Variants in RASA2 observed in about 807,000 individuals in gnomAD.
RASA2 encodes the protein RAS p21 protein activator 2, also known as ras GTPase-activating protein 2.
Under a neutral mutation model 118.2 loss-of-function variants are expected in RASA2, and 155 were observed. That is an observed-to-expected ratio of 1.31 (90% CI 1.15 to 1.50). The LOEUF is 1.50. RASA2 is among the 40% of genes most tolerant of loss of function. The pLI is 0.00. For missense variants in RASA2, 1,016 were observed against 1,009.6 expected (o/e 1.01, Z -0.09); for synonymous variants, 353 against 349.1 (o/e 1.01, Z -0.12).
intron 4 of RASA2, among the ~76,000 whole-genome samples, chr3:141,533,009 T>G (rs775917039): frequency 8.5e-5 from 13 of 152,160 alleles, no homozygotes; most frequent in Non-Finnish European, 1.8e-4. Flanking sequence ...AAAACACCAT[T>G]TTGAGATGCC....
At chr3:141,602,572 G>A (rs939541587) in intron 19 of RASA2, among the ~76,000 whole-genome samples, 1 of 152,172 alleles carries the variant, frequency 6.6e-6, no homozygotes, top group Non-Finnish European at 1.5e-5. Flanking sequence ...GTACACTGTA[G>A]TGTGTCTGCA....
At chr3:141,570,044 A>G (rs532848000) in intron 9 of RASA2, among the ~76,000 whole-genome samples, 29 of 149,220 alleles carry the variant, frequency 1.9e-4, no homozygotes, top group African/African-American at 4.9e-4. Flanking sequence ...TGAGCGTTCA[A>G]TATTCTCTTT....
intron 1 of RASA2, among the ~76,000 whole-genome samples, chr3:141,494,126 C>T (rs2081670417): frequency 1.3e-5 from 2 of 152,178 alleles, no homozygotes; most frequent in African/African-American, 4.8e-5. Context: ...GACATTACTA[C>T]AATGAATAAC....
Position 141,487,058 on chromosome 3 carries a change from G to A in RASA2, c.-26G>A. 1.6e-6 allele frequency: 2 copies of A among 1,240,428 alleles called. No homozygotes were observed. The highest frequency in any genetic ancestry group is 3.8e-5 in the East Asian group (1 of 26,428). 76.8% of individuals were successfully genotyped at this position (1,240,428 alleles called of 1,614,324 possible). ...CCTCGCCCGGCTACGCAGGCGGCAG[G>A]GCTGCGGCACGGGCCGGGCGGCACC... On this transcript the variant is annotated 5_prime_UTR_variant, in exon 1 of 24. Transcript: ENST00000286364.
intron 1 of RASA2, among the ~76,000 whole-genome samples, chr3:141,504,130 C>A (rs368411471): frequency 1.3e-5 from 2 of 152,136 alleles, no homozygotes; most frequent in Non-Finnish European, 1.5e-5. Context: ...GTTTATAGTT[C>A]AGTGAAGAGA....
chr3:141,608,233 T>C (rs986083833), intron 20 of RASA2, among the ~76,000 whole-genome samples: 3 of 152,222 alleles, frequency 2.0e-5, no homozygotes, highest in Admixed American at 6.5e-5. Context: ...CCTCCCTTTA[T>C]TCTTATCTAT....
chr3:141,529,330 G>T (rs1283279722), intron 3 of RASA2, among the ~76,000 whole-genome samples: 1 of 151,994 alleles, frequency 6.6e-6, no homozygotes, highest in Non-Finnish European at 1.5e-5. Flanking sequence ...CTTGTCATTT[G>T]TTCTTAGGGT....
At chr3:141,524,881 A>G (rs574215000) in intron 3 of RASA2, among the ~76,000 whole-genome samples, 2 of 151,960 alleles carry the variant, frequency 1.3e-5, no homozygotes, top group Non-Finnish European at 2.9e-5. Flanking sequence ...GTGAGCCACC[A>G]TGCCCGGCCT....
intron 7 of RASA2, among the ~76,000 whole-genome samples, chr3:141,558,244 T>C (rs1242070465): frequency 2.0e-5 from 3 of 152,204 alleles, no homozygotes; most frequent in Non-Finnish European, 4.4e-5. Flanking sequence ...ACTTTGTAGA[T>C]TGTACAGCAC....
chr3:141,572,591 C>T lies in RASA2; in HGVS notation c.1170-18C>T, dbSNP rs1267670088. ...AACCTTTGTTTACTACATTTGGTTTCATCTATTTCTATTTCAGAGATGCAA... is the reference window on the plus strand; with the variant it reads ...AACCTTTGTTTACTACATTTGGTTTTATCTATTTCTATTTCAGAGATGCAA... On this transcript the variant is annotated intron_variant, in intron 11 of 23. Coordinates refer to ENST00000286364, the MANE Select transcript of RASA2 (RefSeq NM_006506.5). The T allele has an allele frequency of 6.4e-7, 1 of 1,554,338 alleles. No homozygotes were observed. The highest frequency in any genetic ancestry group is 1.1e-5 in the South Asian group (1 of 89,844).
intron 3 of RASA2, among the ~76,000 whole-genome samples, chr3:141,520,495 CAG>C (rs2082095131): frequency 6.6e-6 from 1 of 152,042 alleles, no homozygotes. Context: ...ATTCTGTAGA[CAG>C]TGGTTTTGAA....
intron 23 of RASA2, among the ~76,000 whole-genome samples, chr3:141,611,202 A>G (rs2083646471): frequency 6.6e-6 from 1 of 152,208 alleles, no homozygotes; most frequent in Non-Finnish European, 1.5e-5. Context: ...GCAGCTCAGC[A>G]CTGTCATCAA....
At position 141,487,101 on chromosome 3, in the gene RASA2, T is replaced by A; in HGVS notation, c.18T>A (p.Pro6=). Residue 6 remains proline (P), a synonymous_variant, in exon 1 of 24, where the codon CCT becomes CCA. Coordinates refer to ENST00000286364, the MANE Select transcript of RASA2 (RefSeq NM_006506.5). Reference sequence around the variant, plus strand: ...GCGGCACCATGGCGGCGGCGGCGCCTGCTGCTGCGGCGGCTTCTTCCGAGG... The same window carrying A: ...GCGGCACCATGGCGGCGGCGGCGCCAGCTGCTGCGGCGGCTTCTTCCGAGG... MAAAA[P]AAAAASSEAP... 1 of 1,393,062 alleles carries A rather than the reference T, an allele frequency of 7.2e-7. No homozygotes were observed. Among genetic ancestry groups the A allele is most frequent in the Non-Finnish European group, 9.4e-7 (1 of 1,060,046 alleles). The allele number at this position is 1,393,062 out of a possible 1,614,324, so 86.3% of individuals were successfully genotyped here. A position where few individuals can be genotyped will look rare whatever the true frequency, so the allele number is the denominator to read the frequency against.
chr3:141,510,019 G>T (rs1291398878), intron 1 of RASA2, among the ~76,000 whole-genome samples: 2 of 151,934 alleles, frequency 1.3e-5, no homozygotes, highest in East Asian at 1.9e-4. Flanking sequence ...CTATTCCATT[G>T]GTTTTCTTAT....
chr3:141,549,701 AT>A (rs971130216), intron 5 of RASA2, among the ~76,000 whole-genome samples: 24 of 152,228 alleles, frequency 1.6e-4, no homozygotes, highest in Admixed American at 1.1e-3. Flanking sequence ...AAAACCACAC[AT>A]GGCTAATGAC....
Position 141,570,899 on chromosome 3 carries a change from A to T in RASA2, c.864-13A>T. ...ATTTCCATCACATGGAATCACTTAT[A>T]TTTTTACTTTAGGTACTTGCTACAG... On this transcript the variant is annotated splice_polypyrimidine_tract_variant and intron_variant, in intron 9 of 23. Coordinates refer to ENST00000286364, the MANE Select transcript of RASA2 (RefSeq NM_006506.5). The T allele has an allele frequency of 1.3e-6, 2 of 1,596,452 alleles. No homozygotes were observed. The highest frequency in any genetic ancestry group is 3.6e-5 in the Admixed American group (2 of 55,560).
At chr3:141,577,721 C>T (rs1362873075) in intron 15 of RASA2, among the ~76,000 whole-genome samples, 1 of 151,992 alleles carries the variant, frequency 6.6e-6, no homozygotes, top group Non-Finnish European at 1.5e-5. Context: ...TAGTGAAAGG[C>T]GTAGGAACTT....
In RASA2 at chr3:141,580,418, T is replaced by C. The variant is rs148158856; in HGVS notation, c.1641T>C (p.Thr547=). The C allele has an allele frequency of 2.9e-5, 47 of 1,609,828 alleles. No homozygotes were observed. In the African/African-American group the frequency reaches 4.5e-4, roughly 16 times the overall value. Residue 547 remains threonine (T), a synonymous_variant, in exon 16 of 24, where the codon ACT becomes ACC. Coordinates refer to ENST00000286364, the MANE Select transcript of RASA2 (RefSeq NM_006506.5). The part of the protein sequence containing the change: ...TLTLISKTIQ[T]LGSWGSLSKS... The stretch of plus-strand genomic sequence containing the variant: ...CTCTCATCTCAAAAACTATACAAAC[T>C]TTGGGAAGCTGGGGGAGTCTGTCCA...
At chr3:141,585,056 G>A (rs2083178567) in intron 17 of RASA2, among the ~76,000 whole-genome samples, 1 of 151,930 alleles carries the variant, frequency 6.6e-6, no homozygotes, top group Admixed American at 6.6e-5. Flanking sequence ...TATTCTTATG[G>A]GCCTTACAAA....
Sources: allele counts gnomAD v4.1 joint callset (sites outside exome capture counted in the v4.1 genomes callset), GRCh38; gene constraint gnomAD v4.1.1; transcripts MANE v1.5; gene names NCBI Gene and HGNC (gene_info 2026-07-23, HGNC 2026-07-21).